The following AMPH variants were observed in gnomAD, a reference collection of about 807,000 sequenced individuals.
AMPH encodes the protein amphiphysin.
A neutral mutation model predicts 99.1 loss-of-function variants in AMPH; 49 were observed. That is an observed-to-expected ratio of 0.49 (90% CI 0.39 to 0.63). The LOEUF is 0.63. Ranked by LOEUF, AMPH falls within the 20% of genes least tolerant of loss-of-function variation. AMPH has a pLI of 0.00. For missense variants in AMPH, 759 were observed against 863.4 expected (o/e 0.88, Z 1.52); for synonymous variants, 314 against 317.3 (o/e 0.99, Z 0.11).
chr7:38,609,396 C>A (rs1793545276), intron 1 of AMPH, among the ~76,000 whole-genome samples: 1 of 152,108 alleles, frequency 6.6e-6, no homozygotes, highest in Admixed American at 6.6e-5. Flanking sequence ...TTGATTATAC[C>A]TAGAAATCCT....
intron 2 of AMPH, among the ~76,000 whole-genome samples, chr7:38,507,598 T>C (rs977117703): frequency 6.6e-6 from 1 of 152,232 alleles, no homozygotes; most frequent in African/African-American, 2.4e-5. Flanking sequence ...TCTTATAACA[T>C]TGCTCAGATT....
intron 1 of AMPH, among the ~76,000 whole-genome samples, chr7:38,602,303 T>C (rs10278233): frequency 0.16 from 24,298 of 152,196 alleles, 2,645 homozygotes; most frequent in Admixed American, 0.29. Context: ...CTGTTTCCCA[T>C]AGCTGTTATA....
At chr7:38,423,553 G>C (rs1562743661) in intron 15 of AMPH, among the ~76,000 whole-genome samples, 1 of 152,066 alleles carries the variant, frequency 6.6e-6, no homozygotes, top group Non-Finnish European at 1.5e-5. Flanking sequence ...GGATTTTTAA[G>C]GCATCAACCT....
rs187040210 is a variant in AMPH, at chr7:38,522,853, T to C, written c.150+12078A>G. Among the ~76,000 whole-genome samples the C allele has an allele frequency of 1.3e-3, 201 of 152,236 alleles. 2 individuals carry two copies. Among genetic ancestry groups the C allele is most frequent in the African/African-American group, 4.6e-3 (192 of 41,548 alleles). On this transcript the variant is annotated intron_variant, in intron 2 of 20. Transcript: ENST00000356264. ...AGCCAGGCGTGGTGGCTCACGCCTGTAATCCAGCATTTTGGGAGGCTGAGA... is the reference window on the plus strand; with the variant it reads ...AGCCAGGCGTGGTGGCTCACGCCTGCAATCCAGCATTTTGGGAGGCTGAGA...
chr7:38,429,093 T>C (rs1050868340), intron 14 of AMPH: 1 of 1,290,330 alleles, frequency 7.7e-7, no homozygotes, highest in Admixed American at 2.3e-5. Flanking sequence ...CAGAGAATCT[T>C]CCATCTTCTG....
chr7:38,466,302 A>G (rs1787651058), intron 7 of AMPH, 54 bp from the exon 8 acceptor site: 23 of 1,409,812 alleles, frequency 1.6e-5, no homozygotes, highest in Non-Finnish European at 2.1e-5. Flanking sequence ...ACCAGTCAGT[A>G]AAAATAATTT....
rs1794151961 is a variant in AMPH at position 38,623,881 on chromosome 7, A to C, written c.69+7402T>G. 3.9e-5 allele frequency among the ~76,000 whole-genome samples: 6 copies of C among 152,342 alleles called. No homozygotes were observed. In the South Asian group the frequency reaches 1.2e-3, roughly 32 times the overall value. ...ACATTGTTTTCTTACCATATCACTC[A>C]ATCAACATTGCACTGAAGCACATGA... is the stretch of plus-strand genomic sequence containing the variant. On this transcript the variant is annotated intron_variant, in intron 1 of 20. Coordinates refer to ENST00000356264, the MANE Select transcript of AMPH (RefSeq NM_001635.4).
chr7:38,549,982 C>T (rs4723768), intron 1 of AMPH, among the ~76,000 whole-genome samples: 142,191 of 152,332 alleles, frequency 0.93, 66,412 homozygotes, highest in East Asian at 1. Flanking sequence ...CCATAATTTA[C>T]AACACTTAAT....
Position 38,536,541 on chromosome 7 carries a change from G to A in AMPH, c.70-1530C>T, listed in dbSNP as rs188947923. Among the ~76,000 whole-genome samples the A allele has an allele frequency of 1.6e-4, 24 of 152,228 alleles. No individual in the cohort carries two copies. In the East Asian group the frequency reaches 4.6e-3, roughly 29 times the overall value. On this transcript the variant is annotated intron_variant, in intron 1 of 20. Coordinates refer to ENST00000356264, the MANE Select transcript of AMPH (RefSeq NM_001635.4). ...TTCTAAAAATAGTTGCTCATAAAAT[G>A]TGCTAGTATTTCTTCCTTTTCACTG...
At chr7:38,462,705 A>G (rs1467985530) in intron 10 of AMPH, among the ~76,000 whole-genome samples, 3 of 152,236 alleles carry the variant, frequency 2.0e-5, no homozygotes, top group African/African-American at 7.2e-5. Context: ...AGCAAGAGAT[A>G]GGAGAAGAGA....
chr7:38,461,473 G>A, intron 10 of AMPH, 62 bp from the exon 11 acceptor site: 1 of 1,603,506 alleles, frequency 6.2e-7, no homozygotes, highest in South Asian at 1.1e-5. Flanking sequence ...CACGAAGAAA[G>A]GTCACATGAA....
At chr7:38,457,060 C>A (rs941651255) in intron 11 of AMPH, among the ~76,000 whole-genome samples, 1 of 152,140 alleles carries the variant, frequency 6.6e-6, no homozygotes, top group Non-Finnish European at 1.5e-5. Flanking sequence ...CCAAAATGTC[C>A]GACCCAACCA....
At chr7:38,476,572 G>A (rs1486978604) in intron 6 of AMPH, among the ~76,000 whole-genome samples, 14 of 152,118 alleles carry the variant, frequency 9.2e-5, no homozygotes, top group Admixed American at 9.2e-4. Flanking sequence ...ACTGAGGGTG[G>A]ACCACAACCA....
At chr7:38,500,049 T>C (rs1221330680) in intron 3 of AMPH, among the ~76,000 whole-genome samples, 3 of 152,218 alleles carry the variant, frequency 2.0e-5, no homozygotes, top group Non-Finnish European at 4.4e-5. Context: ...GGCATGACTT[T>C]ATTAGCAGCG....
intron 2 of AMPH, among the ~76,000 whole-genome samples, chr7:38,510,960 G>A (rs1394129450): frequency 6.6e-6 from 1 of 151,980 alleles, no homozygotes; most frequent in East Asian, 1.9e-4. Context: ...AAGTCTACAG[G>A]CTCTGAGATC....
At chr7:38,623,426 CAGA>C (rs1335234558) in intron 1 of AMPH, among the ~76,000 whole-genome samples, 3 of 152,074 alleles carry the variant, frequency 2.0e-5, no homozygotes, top group Admixed American at 6.6e-5. Flanking sequence ...ATAAAAAAGG[CAGA>C]AGAAGGAAAC....
chr7:38,401,791 T>C (rs923842850), intron 17 of AMPH, among the ~76,000 whole-genome samples: 1 of 152,200 alleles, frequency 6.6e-6, no homozygotes, highest in Non-Finnish European at 1.5e-5. Context: ...CCATTAAGTT[T>C]GCTTTTTTTG....
At chr7:38,608,871 G>T (rs1453233270) in intron 1 of AMPH, among the ~76,000 whole-genome samples, 6 of 152,190 alleles carry the variant, frequency 3.9e-5, no homozygotes. Flanking sequence ...TCCTACAGAA[G>T]AATTAGGGCA....
chr7:38,501,331 C>CAGT (rs1420638297), intron 3 of AMPH, among the ~76,000 whole-genome samples: 1 of 152,154 alleles, frequency 6.6e-6, no homozygotes, highest in Non-Finnish European at 1.5e-5. Flanking sequence ...GCTGGGACTA[C>CAGT]AGGCATGCGC....
Sources: allele counts gnomAD v4.1 joint callset (sites outside exome capture counted in the v4.1 genomes callset), GRCh38; gene constraint gnomAD v4.1.1; transcripts MANE v1.5; gene names NCBI Gene and HGNC (gene_info 2026-07-23, HGNC 2026-07-21).